The following DTX2 variants were observed in gnomAD, a reference collection of about 807,000 sequenced individuals.
DTX2 encodes probable E3 ubiquitin-protein ligase DTX2.
Under a neutral mutation model 55.3 loss-of-function variants are expected in DTX2, and 29 were observed. The ratio of observed to expected loss-of-function variants is 0.52; its 90% CI spans 0.39 to 0.71. The LOEUF (loss-of-function observed/expected upper bound fraction) is 0.71, where lower values mean the gene tolerates loss of function less well. DTX2 is among the 30% of genes least tolerant of loss of function. The pLI, the probability that DTX2 is intolerant of heterozygous loss-of-function variation, is 0.00. For synonymous variants in DTX2, 276 were observed against 340.4 expected, an observed-to-expected ratio of 0.81 and a Z score of 2.08; for missense variants, 537 against 822.5, an observed-to-expected ratio of 0.65 and a Z score of 4.25.
At position 76,482,631 on chromosome 7, in the gene DTX2, A is replaced by G. The variant is rs1210156527; in HGVS notation, c.392A>G (p.Tyr131Cys). Residue 131 changes from tyrosine to cysteine, a missense_variant, in exon 4 of 11, where the codon TAT becomes TGT. By Grantham distance (194) the Tyr-to-Cys change is radical. Coordinates refer to ENST00000430490, the MANE Select transcript of DTX2 (RefSeq NM_001102594.3). ...GCCTATGAAGCCAGCGTCTGTGACT[A>G]TCTGGAGCAGCAGGTGGCCAGGGGC... ...WTAYEASVCD[Y>C]LEQQVARGNQ... 1 of 1,613,764 alleles carries G rather than the reference A, an allele frequency of 6.2e-7. No individual in the cohort carries two copies. Among genetic ancestry groups the G allele is most frequent in the South Asian group, 1.1e-5 (1 of 91,062 alleles).
At position 76,505,736 on chromosome 7, in the gene DTX2, G is replaced by T; in HGVS notation, c.*135G>T. 1.1e-6 allele frequency: 1 copy of T among 933,202 alleles called. No homozygotes were observed. Among genetic ancestry groups the T allele is most frequent in the Non-Finnish European group, 1.6e-6 (1 of 626,746 alleles). 57.8% of individuals were successfully genotyped at this position (933,202 alleles called of 1,614,324 possible). Reference sequence around the variant, plus strand: ...TGTGGGGTGTGCCCCACCTGAAGCCGGGGCTCCCCCTGCCTGCCTCTCTCT... The same window carrying T: ...TGTGGGGTGTGCCCCACCTGAAGCCTGGGCTCCCCCTGCCTGCCTCTCTCT... On this transcript the variant is annotated 3_prime_UTR_variant, in exon 11 of 11. Coordinates refer to ENST00000430490, the MANE Select transcript of DTX2 (RefSeq NM_001102594.3). The surrounding 1 kb of genome is among the most constrained non-coding windows in gnomAD (Gnocchi z 4.4).
In DTX2 at chr7:76,480,416, C is replaced by G; in HGVS notation, c.-89-5C>G. On this transcript the variant is annotated splice_polypyrimidine_tract_variant and splice_region_variant and intron_variant, in intron 2 of 10. Transcript: ENST00000430490. ...GGTAACTGCTCATGTCTGTCCTGTT[C>G]ACAGATCTGCCGGAGGCGCTGGGCA... The G allele has an allele frequency of 1.5e-6, 2 of 1,350,046 alleles. No individual in the cohort carries two copies. The highest frequency in any genetic ancestry group is 2.0e-6 in the Non-Finnish European group (2 of 1,002,656). The allele number at this position is 1,350,046 out of a possible 1,614,324, so 83.6% of individuals were successfully genotyped here. A position where few individuals can be genotyped will look rare whatever the true frequency, so the allele number is the denominator to read the frequency against.
intron 4 of DTX2, among the ~76,000 whole-genome samples, chr7:76,486,884 C>CTGCTTT (rs59594095): frequency 0.15 from 22,235 of 148,552 alleles, 202 homozygotes; most frequent in Non-Finnish European, 0.19. Flanking sequence ...GCTGCTGCTG[C>CTGCTTT]TGCCCTTGCC....
chr7:76,483,500 C>T (rs1285245734), intron 4 of DTX2, among the ~76,000 whole-genome samples: 5 of 152,214 alleles, frequency 3.3e-5, no homozygotes, highest in East Asian at 3.8e-4. Flanking sequence ...CACTGACTCC[C>T]GCCTTGTGCC....
At chr7:76,502,484 G>A (rs754477568) in intron 8 of DTX2, 28 bp downstream of exon 8, 19 of 1,605,458 alleles carry the variant, frequency 1.2e-5, no homozygotes, top group African/African-American at 1.1e-4. Flanking sequence ...GGGCGGAGGC[G>A]GGTGGCCCGC....
chr7:76,500,945 G>A lies in DTX2; in HGVS notation c.1230+425G>A, dbSNP rs534069059. Among the ~76,000 whole-genome samples, 8 of 152,322 alleles carry A rather than the reference G, an allele frequency of 5.3e-5. No individual in the cohort carries two copies. The East Asian group carries it at 7.7e-4, about 15-fold the overall frequency. ...TTATAATTTTTTTATTCTTAAAGAC[G>A]GGTGCACACTGTCGCCCAGGCTCAG... On this transcript the variant is annotated intron_variant, in intron 7 of 10. Transcript: ENST00000430490.
At position 76,492,292 on chromosome 7, in the gene DTX2, C is replaced by T. The variant is rs1246264781; in HGVS notation, c.1009+39C>T. On this transcript the variant is annotated intron_variant, in intron 5 of 10. Transcript: ENST00000430490. ...CTCGGGCTGCAGAGCAGTCTGTGCC[C>T]TGCGGACTTGGTGGGGAGGAAATTG... 1.6e-5 allele frequency: 15 copies of T among 919,694 alleles called. 3 individuals are homozygous for T. The highest frequency in any genetic ancestry group is 1.1e-3 in the Middle Eastern group (2 of 1,898). 57.0% of individuals were successfully genotyped at this position (919,694 alleles called of 1,614,324 possible).
intron 7 of DTX2, among the ~76,000 whole-genome samples, chr7:76,501,670 G>A (rs1451982617): frequency 9.9e-5 from 15 of 151,802 alleles, no homozygotes; most frequent in African/African-American, 3.1e-4. Flanking sequence ...CGTTCAGAAC[G>A]TCCTCCTCCC....
At chr7:76,476,994 T>C (rs1316074751) in intron 2 of DTX2, 2 of 152,094 alleles carry the variant, frequency 1.3e-5, no homozygotes, top group African/African-American at 4.8e-5. Flanking sequence ...TGAGGACATG[T>C]TGGGACATAC....
At chr7:76,474,717 G>A (rs2116286715) in intron 2 of DTX2, 1 of 152,082 alleles carries the variant, frequency 6.6e-6, no homozygotes, top group Middle Eastern at 3.4e-3. Context: ...CAAGTGTGTG[G>A]CTCACCCGCC....
intron 7 of DTX2, chr7:76,501,160 G>A: frequency 2.5e-6 from 1 of 401,850 alleles, no homozygotes; most frequent in South Asian, 1.8e-5. Flanking sequence ...GAGGGGGTGG[G>A]TGAACGGCCG....
At chr7:76,472,990 C>G (rs1467058115) in intron 2 of DTX2, among the ~76,000 whole-genome samples, 1 of 151,916 alleles carries the variant, frequency 6.6e-6, no homozygotes, top group Non-Finnish European at 1.5e-5. Context: ...AAATTGTTTT[C>G]TTTTCCGTTT....
chr7:76,494,831 G>A (rs1287199092), intron 5 of DTX2, among the ~76,000 whole-genome samples: 1 of 126,456 alleles, frequency 7.9e-6, no homozygotes, highest in Non-Finnish European at 1.7e-5. Context: ...TAGGGGAGCA[G>A]GGAATGAGAG....
At chr7:76,475,403 T>C (rs1291420390) in intron 2 of DTX2, among the ~76,000 whole-genome samples, 1 of 150,376 alleles carries the variant, frequency 6.6e-6, no homozygotes, top group South Asian at 2.1e-4. Context: ...AAAGAAAGAA[T>C]AGCCCAGGTG....
intron 2 of DTX2, among the ~76,000 whole-genome samples, chr7:76,469,425 T>C (rs1616563): frequency 0.6 from 76,745 of 127,704 alleles, 21,403 homozygotes; most frequent in African/African-American, 0.71. Flanking sequence ...CGGATTCTCA[T>C]TCTGTCGCCC....
chr7:76,479,522 A>G (rs1209269235), intron 2 of DTX2, among the ~76,000 whole-genome samples: 1 of 107,864 alleles, frequency 9.3e-6, no homozygotes, highest in African/African-American at 3.9e-5. Context: ...CATCTTCAGG[A>G]TGGTGGGTGC....
At chr7:76,464,343 G>A (rs1806926892) in intron 2 of DTX2, among the ~76,000 whole-genome samples, 1 of 150,488 alleles carries the variant, frequency 6.6e-6, no homozygotes, top group African/African-American at 2.5e-5. Context: ...GGCTGGAAAA[G>A]CAGGCAGAGG....
At chr7:76,501,290 C>A (rs2462258) in intron 7 of DTX2, 2 of 454,550 alleles carry the variant, frequency 4.4e-6, no homozygotes, top group Admixed American at 2.4e-5. Context: ...TGAGAAAAAT[C>A]TGGTAAGTAA....
At chr7:76,478,621 C>T (rs1471376174) in intron 2 of DTX2, 2 of 142,938 alleles carry the variant, frequency 1.4e-5, no homozygotes, top group Non-Finnish European at 3.0e-5. Flanking sequence ...CTATGTTGCC[C>T]AGGCTGGCCT....
Sources: gnomAD v4.1 joint callset for allele counts (sites outside exome capture counted in the v4.1 genomes callset) on GRCh38, gnomAD v4.1.1 for gene constraint, Gnocchi (gnomAD v3.1) non-coding constraint, MANE v1.5 for transcripts, NCBI Gene and HGNC (gene_info 2026-07-23, HGNC 2026-07-21) for gene names.